The following XPO5 variants were observed in gnomAD, a reference collection of about 807,000 sequenced individuals.
The protein encoded by XPO5 is exportin-5.
A neutral mutation model predicts 160.6 loss-of-function variants in XPO5; 46 were observed. The observed-to-expected ratio is 0.29, with a 90% CI of 0.23 to 0.37. The LOEUF (loss-of-function observed/expected upper bound fraction) is 0.37, where lower values mean the gene tolerates loss of function less well. Among genes scored for constraint, XPO5 ranks in the 10% least tolerant of loss-of-function variants. XPO5 has a pLI of 1.00. For missense variants in XPO5, 1,090 were observed against 1,463.9 expected, an observed-to-expected ratio of 0.74 and a Z score of 4.17; for synonymous variants, 537 against 519.3, an observed-to-expected ratio of 1.03 and a Z score of -0.46.
intron 20 of XPO5, chr6:43,544,357 T>C (rs1211855756): frequency 6.5e-6 from 1 of 152,736 alleles, no homozygotes; most frequent in East Asian, 1.9e-4. Flanking sequence ...AGTGAACACA[T>C]GAGAATCTTC....
At chr6:43,557,826 GGTTCGCA>G (rs1274951028) in intron 12 of XPO5, among the ~76,000 whole-genome samples, 8 of 150,068 alleles carry the variant, frequency 5.3e-5, no homozygotes, top group African/African-American at 2.0e-4. Flanking sequence ...TGGGCGCGGT[GGTTCGCA>G]CCTGTAAATC....
intron 8 of XPO5, among the ~76,000 whole-genome samples, chr6:43,562,959 G>C (rs1561883946): frequency 6.6e-6 from 1 of 152,180 alleles, no homozygotes; most frequent in African/African-American, 2.4e-5. Flanking sequence ...AGAATGGGTA[G>C]TAAGAGATTT....
intron 22 of XPO5, 82 bp from the exon 23 acceptor site, chr6:43,530,906 T>G: frequency 6.7e-7 from 1 of 1,483,926 alleles, no homozygotes; most frequent in Non-Finnish European, 9.0e-7. Context: ...ATTTCATTTC[T>G]AGCCTACAAT....
At chr6:43,551,273 TTTAC>T in intron 15 of XPO5, 21 bp downstream of exon 15, 6 of 1,531,866 alleles carry the variant, frequency 3.9e-6, no homozygotes, top group Non-Finnish European at 5.3e-6. Context: ...CAAAATAAAA[TTTAC>T]AAAGGAGATG....
At chr6:43,555,781 T>C (rs759959038) in intron 13 of XPO5, 55 bp downstream of exon 13, 1 of 1,606,032 alleles carries the variant, frequency 6.2e-7, no homozygotes, top group Non-Finnish European at 8.5e-7. Flanking sequence ...TTCCTATATA[T>C]AGTTTTGATA....
intron 20 of XPO5, 76 bp from the exon 21 acceptor site, chr6:43,534,083 T>A (rs1376819716): frequency 3.5e-6 from 4 of 1,152,936 alleles, no homozygotes; most frequent in Non-Finnish European, 3.8e-6. Context: ...TGTAATCCAG[T>A]GATACTACAG....
chr6:43,539,401 A>G (rs1794556089), intron 20 of XPO5: 5 of 1,574,718 alleles, frequency 3.2e-6, no homozygotes, highest in Middle Eastern at 1.9e-4. Flanking sequence ...CATCCTTGAG[A>G]GAGGCCCCCA....
At chr6:43,527,008 A>G (rs1173341264) in intron 26 of XPO5, 2 of 466,910 alleles carry the variant, frequency 4.3e-6, no homozygotes, top group Non-Finnish European at 3.9e-6. Context: ...AGGATGCTTG[A>G]TACATCCCTG....
At chr6:43,539,579 G>GTCCACGGCTGCGACCCCGGCCCCGGCCCC (rs1794570223) in intron 20 of XPO5, 1 of 1,352,046 alleles carries the variant, frequency 7.4e-7, no homozygotes, top group African/African-American at 1.4e-5. Flanking sequence ...GCCCCGGCCC[G>GTCCACGGCTGCGACCCCGGCCCCGGCCCC]GTCCACGGCT....
intron 1 of XPO5, 42 bp downstream of exon 1, chr6:43,575,718 G>C: frequency 6.4e-7 from 1 of 1,557,774 alleles, no homozygotes; most frequent in Non-Finnish European, 8.8e-7. Flanking sequence ...GGGGCTGGGA[G>C]AGGGTGTCGG....
At chr6:43,541,916 T>G (rs1794716682) in intron 20 of XPO5, among the ~76,000 whole-genome samples, 1 of 152,172 alleles carries the variant, frequency 6.6e-6, no homozygotes, top group South Asian at 2.1e-4. Flanking sequence ...TAGCTGGGGT[T>G]ACAAGCATGC....
rs1793979689 is a variant in XPO5, at chr6:43,531,535, G to A, written c.2484C>T (p.Val828=). The A allele has an allele frequency of 6.2e-7, 1 of 1,613,980 alleles. No homozygotes were observed. Among genetic ancestry groups the A allele is most frequent in the African/African-American group, 1.3e-5 (1 of 75,052 alleles). Residue 828 remains valine, a synonymous_variant, in exon 22 of 32, where the codon GTC becomes GTT. Coordinates refer to ENST00000265351, the MANE Select transcript of XPO5 (RefSeq NM_020750.3). ...GCATTCTTTCCAAGACGGTTTTGAAGACAGGAGAGTCATTGAGTTCCAAGA... is the reference window on the plus strand; with the variant it reads ...GCATTCTTTCCAAGACGGTTTTGAAAACAGGAGAGTCATTGAGTTCCAAGA... The part of the protein sequence containing the change: ...QPLLELNDSP[V]FKTVLERMQR...
intron 21 of XPO5, among the ~76,000 whole-genome samples, chr6:43,531,821 C>G (rs993526948): frequency 1.3e-5 from 2 of 151,920 alleles, no homozygotes; most frequent in Non-Finnish European, 2.9e-5. Context: ...CCAGATGGAA[C>G]CTGTACCAAA....
rs959184855 is a variant in XPO5 at position 43,532,976 on chromosome 6, C to T, written c.2443+931G>A. On this transcript the variant is annotated intron_variant, in intron 21 of 31. Transcript: ENST00000265351. ...CCTAGCCAACATGGTGAAACCCTGTCTCTACTAAAAATACAAAAAATTAGC... is the reference window on the plus strand; with the variant it reads ...CCTAGCCAACATGGTGAAACCCTGTTTCTACTAAAAATACAAAAAATTAGC... Among the ~76,000 whole-genome samples the T allele has an allele frequency of 2.6e-5, 4 of 152,030 alleles. No individual in the cohort carries two copies. In the South Asian group the frequency reaches 8.3e-4, roughly 32 times the overall value.
At chr6:43,525,463 A>G (rs1295705092) in intron 28 of XPO5, 5 of 520,448 alleles carry the variant, frequency 9.6e-6, no homozygotes, top group Non-Finnish European at 1.7e-5. Flanking sequence ...TAAATAGCTA[A>G]GCAGGAAAAA....
rs2127702103 is a variant in XPO5, at chr6:43,527,697, A to G, written c.2857T>C (p.Ser953Pro). The G allele has an allele frequency of 6.2e-7, 1 of 1,613,844 alleles. No homozygotes were observed. Among genetic ancestry groups the G allele is most frequent in the East Asian group, 2.2e-5 (1 of 44,870 alleles). ...EDEAADENPESQEMLEEQLVR... is the reference protein window; with the variant it reads ...EDEAADENPEPQEMLEEQLVR... ...AGTTGCTCCTCCAGCATCTCTTGAG[A>G]CTCTGGGTTTTCATCTGCAGCCTCA... The change falls in exon 26 of 32, where the codon TCT (serine) becomes CCT (proline). Residue 953 changes from serine (S) to proline (P), a missense_variant. This residue lies in a region of XPO5 where 810 missense variants were observed against 1,139.0 expected (regional missense o/e 0.71). Transcript: ENST00000265351.
chr6:43,544,860 G>T (rs549787647), intron 20 of XPO5, among the ~76,000 whole-genome samples: 2 of 151,760 alleles, frequency 1.3e-5, no homozygotes, highest in East Asian at 1.9e-4. Context: ...GAAATCAAAA[G>T]AAAATATTAT....
chr6:43,569,525 G>A (rs1408466484), intron 5 of XPO5, among the ~76,000 whole-genome samples: 1 of 151,932 alleles, frequency 6.6e-6, no homozygotes, highest in East Asian at 1.9e-4. Flanking sequence ...TTTGAGGTCA[G>A]GAGTTCAAGA....
chr6:43,573,823 A>T lies in XPO5; in HGVS notation c.106-222T>A, dbSNP rs866040970. 4.8e-3 allele frequency among the ~76,000 whole-genome samples: 600 copies of T among 126,140 alleles called. 2 individuals are homozygous for T. The highest frequency in any genetic ancestry group is 0.032 in the Middle Eastern group (8 of 252). 82.8% of individuals were successfully genotyped at this position (126,140 alleles called of 152,430 possible). A position where few individuals can be genotyped will look rare whatever the true frequency, so the allele number is the denominator to read the frequency against. ...CTATTAAATATATATATATATATATATTTTTTTTTTTTTTTTTTGAGACGG... is the reference window on the plus strand; with the variant it reads ...CTATTAAATATATATATATATATATTTTTTTTTTTTTTTTTTTTGAGACGG... On this transcript the variant is annotated intron_variant, in intron 1 of 31. Coordinates refer to ENST00000265351, the MANE Select transcript of XPO5 (RefSeq NM_020750.3).
Sources: allele counts gnomAD v4.1 joint callset (sites outside exome capture counted in the v4.1 genomes callset), GRCh38; gene constraint gnomAD v4.1.1; regional missense constraint gnomAD v4.1.1; transcripts MANE v1.5; gene names NCBI Gene and HGNC (gene_info 2026-07-23, HGNC 2026-07-21).